Variants in EYA2 observed in about 807,000 individuals in gnomAD.
The protein encoded by EYA2 is protein phosphatase EYA2.
EYA2 carries 31 observed loss-of-function variants against 69.2 expected under a neutral mutation model. That is an observed-to-expected ratio of 0.45 (90% CI 0.34 to 0.60). EYA2 has a LOEUF of 0.60. EYA2 is among the 20% of genes least tolerant of loss of function. EYA2 has a pLI of 0.02. For missense variants in EYA2, 622 were observed against 701.2 expected (o/e 0.89, Z 1.28); for synonymous variants, 257 against 279.4 (o/e 0.92, Z 0.80).
chr20:47,095,455 GAA>G (rs1283385683), intron 8 of EYA2, among the ~76,000 whole-genome samples: 1 of 152,044 alleles, frequency 6.6e-6, no homozygotes, highest in African/African-American at 2.4e-5. Context: ...CAGATCTGTA[GAA>G]AGATGCAAGT....
rs562153064 is a variant in EYA2 at position 46,963,676 on chromosome 20, A to C, written c.-10-26325A>C. Among the ~76,000 whole-genome samples the C allele has an allele frequency of 2.6e-5, 4 of 152,154 alleles. 1 individual carries two copies. The East Asian group carries it at 7.7e-4, about 29-fold the overall frequency. ...TGGAGCCTGAGCATTGATATTTAAC[A>C]AAAAAAACACCTCCCAAGGTGGTTC... On this transcript the variant is annotated intron_variant, in intron 1 of 15. Transcript: ENST00000327619.
chr20:47,165,857 C>A (rs1224408596), intron 10 of EYA2, among the ~76,000 whole-genome samples: 2 of 150,814 alleles, frequency 1.3e-5, no homozygotes, highest in African/African-American at 5.0e-5. Flanking sequence ...CCACTGACCC[C>A]TCTCTTGCCT....
chr20:47,135,144 A>C (rs922348233), intron 9 of EYA2, among the ~76,000 whole-genome samples: 1 of 150,358 alleles, frequency 6.7e-6, no homozygotes, highest in Non-Finnish European at 1.5e-5. Context: ...AAAAAAAAAA[A>C]AAAAACAGAC....
At chr20:46,923,429 G>C (rs1985270821) in intron 1 of EYA2, among the ~76,000 whole-genome samples, 1 of 152,164 alleles carries the variant, frequency 6.6e-6, no homozygotes, top group South Asian at 2.1e-4. Context: ...ACTAAATACA[G>C]TACCCAGTTC....
chr20:47,055,244 T>G (rs1464970365), intron 5 of EYA2, among the ~76,000 whole-genome samples: 1 of 152,214 alleles, frequency 6.6e-6, no homozygotes, highest in Non-Finnish European at 1.5e-5. Context: ...TGCATGGGAC[T>G]GTATCAGTGA....
At chr20:47,011,128 T>C (rs372127958) in intron 4 of EYA2, among the ~76,000 whole-genome samples, 1 of 152,114 alleles carries the variant, frequency 6.6e-6, no homozygotes, top group African/African-American at 2.4e-5. Context: ...ATTATATGGA[T>C]GGTGCTGGGG....
At chr20:46,939,748 A>T (rs1600563142) in intron 1 of EYA2, among the ~76,000 whole-genome samples, 2 of 152,324 alleles carry the variant, frequency 1.3e-5, no homozygotes, top group Admixed American at 1.3e-4. Flanking sequence ...CTAACAGATG[A>T]CACAGCAAAA....
intron 1 of EYA2, among the ~76,000 whole-genome samples, chr20:46,936,852 T>A (rs576222696): frequency 6.6e-6 from 1 of 152,180 alleles, no homozygotes; most frequent in African/African-American, 2.4e-5. Context: ...GGATTTCTTT[T>A]CTGCCTCATG....
chr20:47,089,692 C>T lies in EYA2; in HGVS notation c.804+311C>T, dbSNP rs138824640. ...ATCTGGGGCAGGGCATGAGAATTTA[C>T]GTTTCTGACAAGCCCCCAGATGATT... On this transcript the variant is annotated intron_variant, in intron 8 of 15. Transcript: ENST00000327619. Among the ~76,000 whole-genome samples the T allele has an allele frequency of 3.3e-4, 50 of 152,290 alleles. No homozygotes were observed. The East Asian group carries it at 5.6e-3, about 17-fold the overall frequency.
intron 1 of EYA2, among the ~76,000 whole-genome samples, chr20:46,914,083 A>G (rs1354790319): frequency 6.6e-6 from 1 of 151,998 alleles, no homozygotes; most frequent in African/African-American, 2.4e-5. Flanking sequence ...CAACAGGAGA[A>G]CTCTGCAGAA....
chr20:47,040,920 A>T (rs1985027722), intron 5 of EYA2, among the ~76,000 whole-genome samples: 1 of 152,190 alleles, frequency 6.6e-6, no homozygotes, highest in African/African-American at 2.4e-5. Context: ...ACTGGACAGC[A>T]CATGTTCTGA....
chr20:46,970,688 A>G (rs1150441), intron 1 of EYA2, among the ~76,000 whole-genome samples: 139,240 of 152,224 alleles, frequency 0.91, 64,257 homozygotes, highest in Non-Finnish European at 0.97. Flanking sequence ...CTATGCAGAC[A>G]TTGAAGAAGA....
At chr20:47,137,419 C>T (rs1220857332) in intron 9 of EYA2, among the ~76,000 whole-genome samples, 3 of 152,170 alleles carry the variant, frequency 2.0e-5, no homozygotes, top group African/African-American at 4.8e-5. Context: ...TGCTTCCACA[C>T]GTGCTGTCTG....
chr20:47,019,335 T>G (rs1007655666), intron 5 of EYA2, among the ~76,000 whole-genome samples: 2 of 152,252 alleles, frequency 1.3e-5, no homozygotes, highest in Admixed American at 6.5e-5. Flanking sequence ...TTAACTGCCT[T>G]CAGTCTGATG....
chr20:47,113,051 T>A lies in EYA2; in HGVS notation c.888+15883T>A, dbSNP rs532565169. 2.0e-4 allele frequency among the ~76,000 whole-genome samples: 31 copies of A among 151,782 alleles called. No homozygotes were observed. In the South Asian group the frequency reaches 6.3e-3, roughly 31 times the overall value. ...CACGCCCGGCTAATTTTTGTATTTT[T>A]AGTAGAGGTGGGGGTTTCACCATGT... is the stretch of plus-strand genomic sequence containing the variant. On this transcript the variant is annotated intron_variant, in intron 9 of 15. Coordinates refer to ENST00000327619, the MANE Select transcript of EYA2 (RefSeq NM_005244.5).
intron 7 of EYA2, among the ~76,000 whole-genome samples, chr20:47,084,941 T>A (rs1045441078): frequency 1.3e-5 from 2 of 151,334 alleles, no homozygotes; most frequent in Non-Finnish European, 2.9e-5. Flanking sequence ...GCTCAAGTGA[T>A]CCTCTGGCCT....
chr20:47,017,304 C>T (rs1053194222), intron 5 of EYA2, among the ~76,000 whole-genome samples: 1 of 152,240 alleles, frequency 6.6e-6, no homozygotes, highest in Middle Eastern at 3.4e-3. Flanking sequence ...AGATGGTGGG[C>T]TGATGTGTGA....
At chr20:47,063,029 A>G (rs1600680333) in intron 5 of EYA2, among the ~76,000 whole-genome samples, 1 of 152,086 alleles carries the variant, frequency 6.6e-6, no homozygotes, top group Non-Finnish European at 1.5e-5. Flanking sequence ...GTGGGGAGGT[A>G]GTGGGAGCAG....
chr20:47,185,630 T>C (rs1290075724), intron 15 of EYA2, among the ~76,000 whole-genome samples: 2 of 152,172 alleles, frequency 1.3e-5, no homozygotes, highest in East Asian at 3.9e-4. Flanking sequence ...AGGGCAGGAT[T>C]GGCCAGGTGG....
Sources: gnomAD v4.1 joint callset for allele counts (sites outside exome capture counted in the v4.1 genomes callset) on GRCh38, gnomAD v4.1.1 for gene constraint, MANE v1.5 for transcripts, NCBI Gene and HGNC (gene_info 2026-07-23, HGNC 2026-07-21) for gene names.